GATB: variants seen among roughly 807,000 people sequenced by gnomAD.
GATB encodes the protein glutamyl-tRNA amidotransferase subunit B.
Under a neutral mutation model 62.3 loss-of-function variants are expected in GATB, and 39 were observed. The observed-to-expected ratio is 0.63, with a 90% confidence interval of 0.48 to 0.82. The LOEUF (loss-of-function observed/expected upper bound fraction) is 0.82. GATB is among the 40% of genes least tolerant of loss of function. GATB has a pLI of 0.00. For synonymous variants in GATB, 276 were observed against 258.9 expected (o/e 1.07, Z -0.63); for missense variants, 670 against 684.0 (o/e 0.98, Z 0.23).
At chr4:151,725,734 T>A (rs550493998) in intron 2 of GATB, among the ~76,000 whole-genome samples, 1 of 152,344 alleles carries the variant, frequency 6.6e-6, no homozygotes, top group South Asian at 2.1e-4. Flanking sequence ...TATGTGAAAT[T>A]CCACTAATTA....
chr4:151,699,471 T>C (rs1220692022), intron 9 of GATB, among the ~76,000 whole-genome samples: 1 of 151,364 alleles, frequency 6.6e-6, no homozygotes, highest in Non-Finnish European at 1.5e-5. Context: ...AAATATAGAC[T>C]CACTCATCTG....
rs973799988 is a variant in GATB at position 151,716,878 on chromosome 4, G to C, written c.638C>G (p.Ala213Gly). Reference protein sequence around the residue: ...RSQTLIDLNRAGVGLLEVVLE... With the variant: ...RSQTLIDLNRGGVGLLEVVLE... ...TAATGAAAACACTCCAAGCCTACCT[G>C]CCCTGTTCAAATCAATGAGCGTCTG... is the stretch of plus-strand genomic sequence containing the variant. Residue 213 changes from alanine to glycine, a missense_variant and splice_region_variant, in exon 4 of 13, where the codon GCA becomes GGA. Ala to Gly is a moderately conservative substitution (Grantham distance 60, BLOSUM62 0). Coordinates refer to ENST00000263985, the MANE Select transcript of GATB (RefSeq NM_004564.3). 1 of 1,613,892 alleles carries C rather than the reference G, an allele frequency of 6.2e-7. No homozygotes were observed. The highest frequency in any genetic ancestry group is 1.3e-5 in the African/African-American group (1 of 74,932).
At chr4:151,678,595 G>C (rs974474358) in intron 11 of GATB, among the ~76,000 whole-genome samples, 2 of 151,862 alleles carry the variant, frequency 1.3e-5, no homozygotes, top group African/African-American at 4.8e-5. Flanking sequence ...GGTCCCTGTA[G>C]TTGACAGCCT....
chr4:151,747,809 C>G (rs1739632400), intron 2 of GATB, among the ~76,000 whole-genome samples: 1 of 152,076 alleles, frequency 6.6e-6, no homozygotes, highest in South Asian at 2.1e-4. Flanking sequence ...GAGGGGGAAA[C>G]AGAAACAGCT....
chr4:151,735,757 T>TATATATATA (rs1186195836), intron 2 of GATB, among the ~76,000 whole-genome samples: 42 of 136,330 alleles, frequency 3.1e-4, no homozygotes, highest in South Asian at 1.0e-3. Flanking sequence ...TATATATATA[T>TATATATATA]GATGGAATAC....
intron 9 of GATB, among the ~76,000 whole-genome samples, chr4:151,696,868 T>C (rs1738481217): frequency 1.3e-5 from 2 of 152,234 alleles, no homozygotes; most frequent in South Asian, 4.1e-4. Flanking sequence ...TGTATTATAA[T>C]AACTACTACT....
At chr4:151,742,149 C>T (rs531907169) in intron 2 of GATB, among the ~76,000 whole-genome samples, 3 of 146,676 alleles carry the variant, frequency 2.0e-5, no homozygotes, top group South Asian at 2.2e-4. Flanking sequence ...AGTGCAGTGG[C>T]GCTATCTCGG....
At chr4:151,721,844 G>A (rs1402790177) in intron 2 of GATB, 4 of 242,564 alleles carry the variant, frequency 1.6e-5, no homozygotes, top group African/African-American at 9.1e-5. Flanking sequence ...GAGAAGAGTT[G>A]AGGACCATCA....
intron 1 of GATB, among the ~76,000 whole-genome samples, chr4:151,759,483 A>C (rs1012058195): frequency 3.9e-5 from 6 of 152,174 alleles, no homozygotes; most frequent in African/African-American, 1.4e-4. Context: ...ACAATAAATC[A>C]CCACTAAATG....
intron 9 of GATB, among the ~76,000 whole-genome samples, chr4:151,695,483 T>C (rs1738449490): frequency 6.6e-6 from 1 of 152,130 alleles, no homozygotes; most frequent in Non-Finnish European, 1.5e-5. Flanking sequence ...CACTGACATT[T>C]GGAACTAGCA....
At chr4:151,683,792 C>G (rs572878249) in intron 10 of GATB, among the ~76,000 whole-genome samples, 8 of 152,340 alleles carry the variant, frequency 5.3e-5, no homozygotes, top group African/African-American at 1.9e-4. Flanking sequence ...AATCCTTATC[C>G]TAAGCCAAAC....
chr4:151,710,278 C>T (rs977828173), intron 5 of GATB, among the ~76,000 whole-genome samples: 1 of 152,208 alleles, frequency 6.6e-6, no homozygotes, highest in African/African-American at 2.4e-5. Flanking sequence ...CTCTCCCATA[C>T]CAGTCATTAC....
At chr4:151,673,034 A>G in intron 11 of GATB, 138 bp from the exon 12 acceptor site, 1 of 1,049,938 alleles carries the variant, frequency 9.5e-7, no homozygotes, top group Non-Finnish European at 1.4e-6. Flanking sequence ...GGCCTGGCCC[A>G]AAGGGAAAGG....
At chr4:151,709,021 A>G (rs1295863996) in intron 5 of GATB, among the ~76,000 whole-genome samples, 2 of 152,258 alleles carry the variant, frequency 1.3e-5, no homozygotes, top group African/African-American at 4.8e-5. Flanking sequence ...TTAAAAGAGA[A>G]CAGAGTGAGA....
chr4:151,740,968 G>T (rs2126992737), intron 2 of GATB, among the ~76,000 whole-genome samples: 1 of 151,804 alleles, frequency 6.6e-6, no homozygotes, highest in East Asian at 1.9e-4. Flanking sequence ...CTAAGCTTTT[G>T]TACTCTCAGG....
chr4:151,685,786 G>A (rs974635205), intron 10 of GATB, among the ~76,000 whole-genome samples: 1 of 152,188 alleles, frequency 6.6e-6, no homozygotes, highest in Non-Finnish European at 1.5e-5. Flanking sequence ...GGTGGCTCAC[G>A]CCTGTAATCC....
intron 4 of GATB, 145 bp from the exon 5 acceptor site, chr4:151,716,276 CCTT>C (rs1738911254): frequency 1.4e-6 from 1 of 723,734 alleles, no homozygotes; most frequent in South Asian, 3.0e-5. Context: ...TTCCCTCCCA[CCTT>C]TTTTTTTTTT....
Position 151,688,757 on chromosome 4 carries a change from C to A in GATB, c.1204G>T (p.Val402Phe), listed in dbSNP as rs1157828838. The change falls in exon 10 of 13, where the codon GTC becomes TTC. Residue 402 changes from valine to phenylalanine, a missense_variant. By Grantham distance (50) the Val-to-Phe change is conservative (BLOSUM62 -1). Transcript: ENST00000263985. ...LEHSFTLLNE[V>F]GLLEFFQNVI... is the part of the protein sequence containing the mutation. ...TTTTGGAAGAACTCCAGTAGGCCGA[C>A]TTCGTTCTGTTAAAAAAAAAAAAAG... The A allele has an allele frequency of 6.4e-7, 1 of 1,557,900 alleles. No individual in the cohort carries two copies.
At chr4:151,697,563 C>T (rs957756401) in intron 9 of GATB, among the ~76,000 whole-genome samples, 1 of 151,730 alleles carries the variant, frequency 6.6e-6, no homozygotes, top group African/African-American at 2.4e-5. Flanking sequence ...CAGACTTACA[C>T]TATGCAATAT....
Sources: allele counts gnomAD v4.1 joint callset (sites outside exome capture counted in the v4.1 genomes callset), GRCh38; gene constraint gnomAD v4.1.1; transcripts MANE v1.5; gene names NCBI Gene and HGNC (gene_info 2026-07-23, HGNC 2026-07-21).